PTPRT: variants seen among roughly 807,000 people sequenced by gnomAD.
The protein encoded by PTPRT is protein tyrosine phosphatase receptor type T, also known as receptor-type tyrosine-protein phosphatase T.
Under a neutral mutation model 176.8 loss-of-function variants are expected in PTPRT, and 56 were observed. The ratio of observed to expected loss-of-function variants is 0.32; its 90% CI spans 0.26 to 0.40. PTPRT has a LOEUF of 0.40. Ranked by LOEUF, PTPRT falls within the 10% of genes least tolerant of loss-of-function variation. The pLI is 1.00. For synonymous variants in PTPRT, 783 were observed against 739.0 expected, an observed-to-expected ratio of 1.06 and a Z score of -0.96; for missense variants, 1,540 against 1,908.2, an observed-to-expected ratio of 0.81 and a Z score of 3.60.
At chr20:43,041,872 T>C (rs1265077540) in intron 1 of PTPRT, among the ~76,000 whole-genome samples, 1 of 152,232 alleles carries the variant, frequency 6.6e-6, no homozygotes, top group Non-Finnish European at 1.5e-5. Flanking sequence ...GAGGCAGAAA[T>C]ATGTCCCACA....
At chr20:42,993,808 T>C (rs1300508996) in intron 1 of PTPRT, among the ~76,000 whole-genome samples, 1 of 151,986 alleles carries the variant, frequency 6.6e-6, no homozygotes, top group East Asian at 1.9e-4. Flanking sequence ...GCCACCTTTC[T>C]GGTAGGATTC....
chr20:42,610,937 G>A lies in PTPRT; in HGVS notation c.1153+66929C>T, dbSNP rs1278149618. Among the ~76,000 whole-genome samples the A allele has an allele frequency of 3.5e-5, 5 of 143,374 alleles. No homozygotes were observed. In the South Asian group the frequency reaches 6.6e-4, roughly 19 times the overall value. The allele number at this position is 143,374 out of a possible 152,430, so 94.1% of individuals were successfully genotyped here. On this transcript the variant is annotated intron_variant, in intron 7 of 30. Coordinates refer to ENST00000373187, the MANE Select transcript of PTPRT (RefSeq NM_007050.6). Reference sequence around the variant, plus strand: ...GAACATTGCAATACACTAGTCTTTCGTGTCTGACTTCTTTCCCTTATCATG... The same window carrying A: ...GAACATTGCAATACACTAGTCTTTCATGTCTGACTTCTTTCCCTTATCATG...
chr20:43,057,589 A>G (rs1338006338), intron 1 of PTPRT, among the ~76,000 whole-genome samples: 11 of 152,230 alleles, frequency 7.2e-5, no homozygotes, highest in Non-Finnish European at 1.5e-4. Context: ...CAATATTACT[A>G]TGATTATGTA....
chr20:42,950,333 A>G (rs1366614964), intron 1 of PTPRT, among the ~76,000 whole-genome samples: 2 of 152,228 alleles, frequency 1.3e-5, no homozygotes, highest in Admixed American at 6.5e-5. Context: ...ACAGAGATCA[A>G]TCCTGTTCTT....
chr20:42,193,445 G>C (rs1991077366), intron 16 of PTPRT, among the ~76,000 whole-genome samples: 1 of 152,348 alleles, frequency 6.6e-6, no homozygotes, highest in Non-Finnish European at 1.5e-5. Flanking sequence ...TCCTCTGTGA[G>C]ACTGGTGAAT....
intron 9 of PTPRT, among the ~76,000 whole-genome samples, chr20:42,409,108 C>T (rs759481432): frequency 2.6e-5 from 4 of 152,130 alleles, no homozygotes; most frequent in East Asian, 1.9e-4. Flanking sequence ...ATCTATTAAA[C>T]GTGGGCTTGT....
intron 1 of PTPRT, among the ~76,000 whole-genome samples, chr20:43,005,966 A>G (rs1984837403): frequency 6.6e-6 from 1 of 152,236 alleles, no homozygotes; most frequent in Admixed American, 6.5e-5. Context: ...AGGATGGAAT[A>G]GTCAATTATA....
intron 16 of PTPRT, among the ~76,000 whole-genome samples, chr20:42,184,720 T>A (rs1486306140): frequency 6.6e-6 from 1 of 150,862 alleles, no homozygotes; most frequent in Non-Finnish European, 1.5e-5. Context: ...CTCCACCTCC[T>A]GGGTTCAAGT....
chr20:42,421,282 G>GCACA lies in PTPRT; in HGVS notation c.1560+26934_1560+26937dup, dbSNP rs147671583. Among the ~76,000 whole-genome samples, 812 of 150,544 alleles carry GCACA rather than the reference G, an allele frequency of 5.4e-3. 5 individuals are homozygous for GCACA. Among genetic ancestry groups the GCACA allele is most frequent in the South Asian group, 7.4e-3 (35 of 4,740 alleles). ...CACGCACGCACACACACACACGCATGCACACACACACACACTTTTTTAAAG... is the reference window on the plus strand; with the variant it reads ...CACGCACGCACACACACACACGCATGCACACACACACACACACACTTTTTTAAAG... On this transcript the variant is annotated intron_variant, in intron 9 of 30. Coordinates refer to ENST00000373187, the MANE Select transcript of PTPRT (RefSeq NM_007050.6).
chr20:42,893,454 G>A lies in PTPRT; in HGVS notation c.89-7522C>T, dbSNP rs1199093014. Among the ~76,000 whole-genome samples the A allele has an allele frequency of 1.5e-3, 234 of 151,474 alleles. 2 individuals carry two copies. The highest frequency in any genetic ancestry group is 6.3e-4 in the South Asian group (3 of 4,760). ...CAACCATTGTGGAAGTCAGTGTGGC[G>A]ATTCCTCAGGGATCTAGAACTAGAA... On this transcript the variant is annotated intron_variant, in intron 1 of 30. Transcript: ENST00000373187.
At chr20:42,707,022 C>T (rs1319999578) in intron 6 of PTPRT, among the ~76,000 whole-genome samples, 1 of 152,096 alleles carries the variant, frequency 6.6e-6, no homozygotes, top group Admixed American at 6.5e-5. Flanking sequence ...ACGAGGATGC[C>T]AAAGATTGCC....
At chr20:42,386,638 G>A (rs911170826) in intron 9 of PTPRT, among the ~76,000 whole-genome samples, 1 of 152,126 alleles carries the variant, frequency 6.6e-6, no homozygotes, top group African/African-American at 2.4e-5. Flanking sequence ...TGAGGCAGGT[G>A]GATCACGAGG....
rs143175083 is a variant in PTPRT, at chr20:42,268,096, T to C, written c.2176+14393A>G. Among the ~76,000 whole-genome samples the C allele has an allele frequency of 2.1e-4, 32 of 152,282 alleles. No homozygotes were observed. In the East Asian group the frequency reaches 6.2e-3, roughly 30 times the overall value. ...TGGTGCTGATATGAAAAGAGGCTCC[T>C]GTGCTTAAAGTCTAATATCCCCATC... On this transcript the variant is annotated intron_variant, in intron 13 of 30. Coordinates refer to ENST00000373187, the MANE Select transcript of PTPRT (RefSeq NM_007050.6).
intron 13 of PTPRT, among the ~76,000 whole-genome samples, chr20:42,267,156 TTTTCAC>T (rs2056852890): frequency 6.6e-6 from 1 of 152,228 alleles, no homozygotes; most frequent in Admixed American, 6.5e-5. Flanking sequence ...AACATTCTGC[TTTTCAC>T]TTTCAGTACA....
At chr20:42,449,016 G>A (rs1007851512) in intron 8 of PTPRT, among the ~76,000 whole-genome samples, 1 of 152,136 alleles carries the variant, frequency 6.6e-6, no homozygotes. Context: ...AATGCAAAGT[G>A]AGCTTCCCAT....
intron 7 of PTPRT, among the ~76,000 whole-genome samples, chr20:42,476,679 C>T (rs531016720): frequency 7.0e-4 from 107 of 152,236 alleles, no homozygotes; most frequent in African/African-American, 2.5e-3. Flanking sequence ...AGATTCGGTA[C>T]CTGCAGGTGA....
At chr20:42,659,572 G>C (rs2075186663) in intron 7 of PTPRT, among the ~76,000 whole-genome samples, 2 of 152,176 alleles carry the variant, frequency 1.3e-5, no homozygotes, top group Non-Finnish European at 2.9e-5. Context: ...CCCAGCCTGT[G>C]GGAGGTCTTT....
At chr20:42,909,741 C>T (rs536235012) in intron 1 of PTPRT, among the ~76,000 whole-genome samples, 1 of 152,262 alleles carries the variant, frequency 6.6e-6, no homozygotes, top group Non-Finnish European at 1.5e-5. Context: ...TAACATCAGA[C>T]CTCAGGCAGG....
At chr20:42,147,325 C>T (rs756930053) in intron 17 of PTPRT, among the ~76,000 whole-genome samples, 8 of 152,142 alleles carry the variant, frequency 5.3e-5, no homozygotes, top group South Asian at 4.1e-4. Flanking sequence ...GTGTTCCCAT[C>T]CACAATGGCC....
Sources: gnomAD v4.1 joint callset for allele counts (sites outside exome capture counted in the v4.1 genomes callset) on GRCh38, gnomAD v4.1.1 for gene constraint, MANE v1.5 for transcripts, NCBI Gene and HGNC (gene_info 2026-07-23, HGNC 2026-07-21) for gene names.